IQGAP3: variants seen among roughly 807,000 people sequenced by gnomAD.
IQGAP3 encodes the protein IQ motif containing GTPase activating protein 3.
In IQGAP3, 165 loss-of-function variants were observed where a neutral mutation model predicts 208.2. The ratio of observed to expected loss-of-function variants is 0.79; its 90% CI spans 0.70 to 0.90. IQGAP3 has a LOEUF of 0.90. IQGAP3 is among the 40% of genes least tolerant of loss of function. The pLI, the probability that IQGAP3 is intolerant of heterozygous loss-of-function variation, is 0.00. For synonymous variants in IQGAP3, 703 were observed against 803.6 expected (o/e 0.87, Z 2.12); for missense variants, 1,811 against 2,043.1 (o/e 0.89, Z 2.19).
intron 2 of IQGAP3, among the ~76,000 whole-genome samples, chr1:156,566,861 C>CT (rs1407942830): frequency 0.02 from 2,990 of 146,574 alleles, 125 homozygotes; most frequent in African/African-American, 0.075. Flanking sequence ...TAGTTACATG[C>CT]TTTTTTTTTT....
At position 156,540,891 on chromosome 1, in the gene IQGAP3, A is replaced by C. The variant is rs769661782; in HGVS notation, c.2556T>G (p.Ser852Arg). ...AGAGATGGGCAAATCTGCGTACCAC[A>C]CTGAGAGGAGGGTGGGGTGCATGCA... is the stretch of plus-strand genomic sequence containing the variant. ...ILVHAPHPPL[S>R]VVRRFAHLLN... The change falls in exon 23 of 38, where the codon AGT (serine) becomes AGG (arginine). Residue 852 changes from serine to arginine, a missense_variant. Coordinates refer to ENST00000361170, the MANE Select transcript of IQGAP3 (RefSeq NM_178229.5). The C allele has an allele frequency of 1.9e-5, 31 of 1,613,714 alleles. No homozygotes were observed. Among genetic ancestry groups the C allele is most frequent in the Non-Finnish European group, 2.6e-5 (31 of 1,179,948 alleles).
At chr1:156,544,869 C>T (rs1675156849) in intron 19 of IQGAP3, among the ~76,000 whole-genome samples, 1 of 152,186 alleles carries the variant, frequency 6.6e-6, no homozygotes, top group Non-Finnish European at 1.5e-5. Context: ...TGCAGACCAC[C>T]CACACACTAT....
intron 28 of IQGAP3, 24 bp downstream of exon 28, chr1:156,535,139 T>C (rs1194200854): frequency 6.8e-7 from 1 of 1,462,720 alleles, no homozygotes; most frequent in African/African-American, 1.5e-5. Flanking sequence ...GATTGGGAGG[T>C]GGGGGTGGGG....
chr1:156,570,091 G>A (rs1676581169), intron 1 of IQGAP3, among the ~76,000 whole-genome samples: 1 of 152,146 alleles, frequency 6.6e-6, no homozygotes, highest in African/African-American at 2.4e-5. Flanking sequence ...TAATTAGACT[G>A]AGTTCTCCAA....
In IQGAP3 at chr1:156,548,258, G is replaced by A. The variant is rs753243336; in HGVS notation, c.2134-15C>T. On this transcript the variant is annotated splice_polypyrimidine_tract_variant and intron_variant, in intron 18 of 37. Coordinates refer to ENST00000361170, the MANE Select transcript of IQGAP3 (RefSeq NM_178229.5). ...GTGACAGCTGACTGTGGAGGCAGGA[G>A]AGAGACGCTGTGGTCTTTTGGGGAG... 5 of 1,612,048 alleles carry A rather than the reference G, an allele frequency of 3.1e-6. No individual in the cohort carries two copies.
chr1:156,553,121 A>C (rs1371557992), intron 13 of IQGAP3, among the ~76,000 whole-genome samples: 6 of 152,006 alleles, frequency 3.9e-5, no homozygotes, highest in Admixed American at 6.6e-5. Context: ...CCAGACCCTG[A>C]GCTGTGATTG....
At chr1:156,530,386 C>A in intron 33 of IQGAP3, 69 bp from the exon 34 acceptor site, 1 of 1,349,844 alleles carries the variant, frequency 7.4e-7, no homozygotes, top group Non-Finnish European at 1.0e-6. Flanking sequence ...AGTGAAGGTC[C>A]CATGGGCACC....
chr1:156,540,971 C>T, intron 22 of IQGAP3, 55 bp from the exon 23 acceptor site: 1 of 1,467,882 alleles, frequency 6.8e-7, no homozygotes, highest in Non-Finnish European at 9.5e-7. Context: ...GAGGCCTCCT[C>T]ACCAGCCCCT....
Position 156,572,501 on chromosome 1 carries a change from C to CA in IQGAP3, c.28dup (p.Trp10LeufsTer5), listed in dbSNP as rs753567284. ...ACCCTCTCCGCACTCACAGGCTGCC[C>CA]AGCCTGGGCCCGCTGCTCTCCTCTC... is the stretch of plus-strand genomic sequence containing the variant. On this transcript the variant is annotated frameshift_variant, in exon 1 of 38. Coordinates refer to ENST00000361170, the MANE Select transcript of IQGAP3 (RefSeq NM_178229.5). LOFTEE classifies it high-confidence loss of function. The CA allele has an allele frequency of 1.2e-6, 2 of 1,611,588 alleles. No homozygotes were observed. Among genetic ancestry groups the CA allele is most frequent in the African/African-American group, 2.7e-5 (2 of 74,946 alleles).
chr1:156,538,760 C>G, intron 26 of IQGAP3, 49 bp downstream of exon 26: 1 of 1,522,442 alleles, frequency 6.6e-7, no homozygotes, highest in East Asian at 2.3e-5. Context: ...CACAGCTGAT[C>G]AAGACACAGC....
At position 156,563,150 on chromosome 1, in the gene IQGAP3, G is replaced by T; in HGVS notation, c.782C>A (p.Ala261Asp). Residue 261 changes from alanine to aspartate, a missense_variant, in exon 8 of 38, where the codon GCC becomes GAC. Physicochemically the swap from Ala to Asp is moderately radical, Grantham distance 126. Coordinates refer to ENST00000361170, the MANE Select transcript of IQGAP3 (RefSeq NM_178229.5). ...ACTCCTTACATGGTTCCTGGCATTG[G>T]CTGCCTTCTCCATCTTGGCCTGGGC... Reference protein sequence around the residue: ...MLAQAKMEKAANARNHDDRES... With the variant: ...MLAQAKMEKADNARNHDDRES... The T allele has an allele frequency of 6.2e-7, 1 of 1,600,854 alleles. No homozygotes were observed. Among genetic ancestry groups the T allele is most frequent in the Non-Finnish European group, 8.5e-7 (1 of 1,170,866 alleles).
At chr1:156,540,099 G>T in intron 23 of IQGAP3, 109 bp from the exon 24 acceptor site, 2 of 1,270,888 alleles carry the variant, frequency 1.6e-6, no homozygotes, top group Non-Finnish European at 2.2e-6. Flanking sequence ...TGCTGTTCAA[G>T]GAACAGGCAT....
intron 12 of IQGAP3, among the ~76,000 whole-genome samples, chr1:156,554,608 CATA>C (rs1675736422): frequency 6.6e-6 from 1 of 152,210 alleles, no homozygotes; most frequent in African/African-American, 2.4e-5. Flanking sequence ...ATTTAATTTT[CATA>C]ATAAGCCGAC....
At position 156,563,140 on chromosome 1, in the gene IQGAP3, C is replaced by T. The variant is rs76102113; in HGVS notation, c.792G>A (p.Arg264=). The T allele has an allele frequency of 5.5e-3, 8,850 of 1,597,454 alleles. 36 individuals carry two copies. The highest frequency in any genetic ancestry group is 6.8e-3 in the Non-Finnish European group (7,997 of 1,168,810). The part of the protein sequence containing the change: ...QAKMEKAANA[R]NHDDRESQDI... ...ACCCAAGACTACTCCTTACATGGTTCCTGGCATTGGCTGCCTTCTCCATCT... is the reference window on the plus strand; with the variant it reads ...ACCCAAGACTACTCCTTACATGGTTTCTGGCATTGGCTGCCTTCTCCATCT... The change falls in exon 8 of 38, where the codon AGG becomes AGA. Residue 264 remains arginine (R), a synonymous_variant. Coordinates refer to ENST00000361170, the MANE Select transcript of IQGAP3 (RefSeq NM_178229.5).
intron 12 of IQGAP3, among the ~76,000 whole-genome samples, chr1:156,554,635 T>A (rs551547678): frequency 3.3e-5 from 5 of 152,310 alleles, no homozygotes; most frequent in African/African-American, 1.2e-4. Context: ...AGAACCATAG[T>A]ACCATTAACA....
In IQGAP3 at chr1:156,556,626, C is replaced by G. The variant is rs368519310; in HGVS notation, c.1197G>C (p.Glu399Asp). The change falls in exon 12 of 38, where the codon GAG (glutamate) becomes GAC (aspartate). Residue 399 changes from glutamate to aspartate, a missense_variant. Coordinates refer to ENST00000361170, the MANE Select transcript of IQGAP3 (RefSeq NM_178229.5). ...GCAGCTGGGCCTCAGGGCACATCAG[C>G]TCCTTCACAGTGTCAGCCGCCACTC... Reference protein sequence around the residue: ...RRRVAADTVKELMCPEAQLPP... With the variant: ...RRRVAADTVKDLMCPEAQLPP... 1.2e-6 allele frequency: 2 copies of G among 1,611,574 alleles called. No homozygotes were observed. Among genetic ancestry groups the G allele is most frequent in the Non-Finnish European group, 1.7e-6 (2 of 1,178,412 alleles).
intron 7 of IQGAP3, 36 bp downstream of exon 7, chr1:156,563,517 G>A (rs1284125267): frequency 7.1e-6 from 11 of 1,555,180 alleles, no homozygotes; most frequent in Non-Finnish European, 9.7e-6. Context: ...CATACGCATT[G>A]AGCCTACTCC....
At position 156,560,953 on chromosome 1, in the gene IQGAP3, C is replaced by T. The variant is rs760839919; in HGVS notation, c.1110G>A (p.Lys370=). Residue 370 remains lysine, a synonymous_variant, in exon 11 of 38, where the codon AAG becomes AAA. Transcript: ENST00000361170. ...VQAGVAAANT[K]GDQEQAMLHA... is the part of the protein sequence containing the mutation. ...ACTTACTGGCTTGTTCCTGATCACC[C>T]TTTGTGTTGGCTGCAGCCACACCAG... 3 of 1,613,676 alleles carry T rather than the reference C, an allele frequency of 1.9e-6. No individual in the cohort carries two copies. Among genetic ancestry groups the T allele is most frequent in the Non-Finnish European group, 2.5e-6 (3 of 1,179,702 alleles).
chr1:156,551,718 C>A lies in IQGAP3; in HGVS notation c.1721G>T (p.Arg574Met). 1 of 1,611,268 alleles carries A rather than the reference C, an allele frequency of 6.2e-7. No individual in the cohort carries two copies. The highest frequency in any genetic ancestry group is 8.5e-7 in the Non-Finnish European group (1 of 1,179,116). The change falls in exon 15 of 38, where the codon AGG becomes ATG. Residue 574 changes from arginine (R) to methionine (M), a missense_variant. Arg to Met is a moderately conservative substitution (Grantham distance 91). Coordinates refer to ENST00000361170, the MANE Select transcript of IQGAP3 (RefSeq NM_178229.5). ...RYHLLLVAAK[R>M]QKAQVTGDPG... ...CCCTAACTTCACCTGGGCCTTCTGCCTTTTGGCTGCCACAAGGAGGAGATG... is the reference window on the plus strand; with the variant it reads ...CCCTAACTTCACCTGGGCCTTCTGCATTTTGGCTGCCACAAGGAGGAGATG...
Sources: allele counts gnomAD v4.1 joint callset (sites outside exome capture counted in the v4.1 genomes callset), GRCh38; gene constraint gnomAD v4.1.1; transcripts MANE v1.5; gene names NCBI Gene and HGNC (gene_info 2026-07-23, HGNC 2026-07-21).